Variants in PALM2AKAP2 observed in about 807,000 individuals in gnomAD.
PALM2AKAP2 encodes the protein PALM2-AKAP2 fusion protein.
PALM2AKAP2 carries 37 observed loss-of-function variants against 71.5 expected under a neutral mutation model. The observed-to-expected ratio is 0.52, with a 90% CI of 0.40 to 0.68. PALM2AKAP2 has a LOEUF of 0.68. PALM2AKAP2 is among the 30% of genes least tolerant of loss of function. The probability of loss-of-function intolerance (pLI) is 0.00; values close to 1 mark genes in which losing one functional copy is unlikely to be tolerated. For synonymous variants in PALM2AKAP2, 468 were observed against 478.8 expected, an observed-to-expected ratio of 0.98 and a Z score of 0.29; for missense variants, 1,224 against 1,191.8, an observed-to-expected ratio of 1.03 and a Z score of -0.40.
At chr9:109,942,788 G>A (rs1363391481) in intron 6 of PALM2AKAP2, 5 of 1,614,036 alleles carry the variant, frequency 3.1e-6, no homozygotes, top group Non-Finnish European at 4.2e-6. Flanking sequence ...CATCAGAAAG[G>A]AGTCAAAGTC....
intron 2 of PALM2AKAP2, among the ~76,000 whole-genome samples, chr9:110,148,300 G>A (rs1457978460): frequency 1.3e-5 from 2 of 152,064 alleles, no homozygotes; most frequent in African/African-American, 2.4e-5. Context: ...CCCAATATCA[G>A]CAACTCATCC....
At chr9:110,119,528 T>C (rs924795379) in intron 1 of PALM2AKAP2, among the ~76,000 whole-genome samples, 8 of 152,116 alleles carry the variant, frequency 5.3e-5, no homozygotes, top group African/African-American at 1.9e-4. Flanking sequence ...TCAAAAGCAT[T>C]GTGTATTTTA....
At chr9:109,918,884 C>A (rs557378420) in intron 3 of PALM2AKAP2, among the ~76,000 whole-genome samples, 5 of 152,184 alleles carry the variant, frequency 3.3e-5, no homozygotes, top group Admixed American at 6.5e-5. Context: ...GGTTTCATTT[C>A]GTTCCTTTTT....
At chr9:110,083,740 C>T (rs1228317073) in intron 1 of PALM2AKAP2, among the ~76,000 whole-genome samples, 1 of 152,168 alleles carries the variant, frequency 6.6e-6, no homozygotes, top group East Asian at 1.9e-4. Context: ...CTTCTTAACA[C>T]CAACACTGGC....
intron 1 of PALM2AKAP2, among the ~76,000 whole-genome samples, chr9:109,730,178 CA>C (rs1451066092): frequency 6.6e-6 from 1 of 152,096 alleles, no homozygotes; most frequent in Non-Finnish European, 1.5e-5. Context: ...ACAGAATGCA[CA>C]AGGGAATGGA....
At chr9:110,110,472 C>T (rs1271358400) in intron 1 of PALM2AKAP2, among the ~76,000 whole-genome samples, 1 of 150,352 alleles carries the variant, frequency 6.7e-6, no homozygotes, top group Non-Finnish European at 1.5e-5. Context: ...TCCTAACTTT[C>T]TTTACCCCTG....
At chr9:109,801,708 ATG>A (rs142422555) in intron 1 of PALM2AKAP2, among the ~76,000 whole-genome samples, 70 of 148,886 alleles carry the variant, frequency 4.7e-4, no homozygotes, top group Non-Finnish European at 6.9e-4. Flanking sequence ...AGGTGTTGAT[ATG>A]TGTGTGTGTG....
rs1311022203 is a variant in PALM2AKAP2, at chr9:109,658,081, C to G, written c.5+17215C>G. 2.0e-5 allele frequency among the ~76,000 whole-genome samples: 3 copies of G among 151,946 alleles called. No homozygotes were observed. In the South Asian group the frequency reaches 6.2e-4, roughly 32 times the overall value. The stretch of plus-strand genomic sequence containing the variant: ...ATGTGCAATTTGCTCAAATAGGGAA[C>G]CCTTGTTTGGGGGTGGGAAAGTAAG... On this transcript the variant is annotated intron_variant, in intron 1 of 6. Coordinates refer to the PALM2AKAP2 transcript ENST00000374531.
intron 6 of PALM2AKAP2, among the ~76,000 whole-genome samples, chr9:109,998,784 G>GAAAAAAA (rs1564252217): frequency 1.5e-5 from 2 of 130,176 alleles, no homozygotes; most frequent in African/African-American, 5.9e-5. Flanking sequence ...AAAAAAAAAG[G>GAAAAAAA]GGGGATAGTC....
chr9:109,662,249 T>G (rs2132243546), intron 1 of PALM2AKAP2, among the ~76,000 whole-genome samples: 1 of 152,322 alleles, frequency 6.6e-6, no homozygotes. Flanking sequence ...TGTGCCAGTT[T>G]TCAAAGGGAA....
intron 1 of PALM2AKAP2, among the ~76,000 whole-genome samples, chr9:110,128,349 C>T (rs570833489): frequency 2.0e-5 from 3 of 152,172 alleles, no homozygotes; most frequent in East Asian, 1.9e-4. Flanking sequence ...TTGCGTCCTG[C>T]GCACTGAAAA....
At chr9:110,071,067 G>A (rs2118594703) in intron 1 of PALM2AKAP2, among the ~76,000 whole-genome samples, 1 of 150,866 alleles carries the variant, frequency 6.6e-6, no homozygotes, top group South Asian at 2.1e-4. Flanking sequence ...GGGAGGCTGA[G>A]GCAGGAGAAT....
chr9:110,125,096 C>G (rs1010639977), intron 1 of PALM2AKAP2, among the ~76,000 whole-genome samples: 1 of 152,196 alleles, frequency 6.6e-6, no homozygotes, highest in Non-Finnish European at 1.5e-5. Context: ...CATGTACACA[C>G]GCACAAGCAC....
chr9:109,925,118 T>G (rs918729867), intron 5 of PALM2AKAP2, 36 bp downstream of exon 5: 1 of 1,613,882 alleles, frequency 6.2e-7, no homozygotes, highest in Non-Finnish European at 8.5e-7. Flanking sequence ...GATGAATGTT[T>G]TAATCCTGGT....
At chr9:109,995,085 G>T (rs1832549379) in intron 6 of PALM2AKAP2, among the ~76,000 whole-genome samples, 2 of 152,136 alleles carry the variant, frequency 1.3e-5, no homozygotes, top group African/African-American at 4.8e-5. Flanking sequence ...TCTTTTATAG[G>T]CTTCTACATG....
At chr9:109,731,819 A>G (rs1828559981) in intron 1 of PALM2AKAP2, among the ~76,000 whole-genome samples, 1 of 152,190 alleles carries the variant, frequency 6.6e-6, no homozygotes, top group East Asian at 1.9e-4. Context: ...GTGCAGGTTA[A>G]TATTCATATG....
rs569344419 is a variant in PALM2AKAP2 at position 109,890,337 on chromosome 9, GGC to G, written c.257+9657_257+9658del. 1.2e-4 allele frequency among the ~76,000 whole-genome samples: 18 copies of G among 152,252 alleles called. No individual in the cohort carries two copies. The South Asian group carries it at 3.7e-3, about 32-fold the overall frequency. On this transcript the variant is annotated intron_variant, in intron 3 of 9. Coordinates refer to the PALM2AKAP2 transcript ENST00000302798. The stretch of plus-strand genomic sequence containing the variant: ...CAGGGAAGAGTACTGTGGGACCCGA[GGC>G]TGCTTGATACTCATCAAGGCCCGCT...
intron 1 of PALM2AKAP2, among the ~76,000 whole-genome samples, chr9:109,785,596 T>A (rs1302088310): frequency 2.0e-5 from 3 of 152,138 alleles, no homozygotes; most frequent in African/African-American, 2.4e-5. Context: ...GAAAGGCACA[T>A]CTCACATGGC....
intron 1 of PALM2AKAP2, among the ~76,000 whole-genome samples, chr9:110,111,645 T>G (rs766283239): frequency 5.3e-5 from 8 of 152,248 alleles, no homozygotes; most frequent in Non-Finnish European, 1.2e-4. Flanking sequence ...GCACCAATTC[T>G]GAGGTTTTGC....
Sources: gnomAD v4.1 joint callset for allele counts (sites outside exome capture counted in the v4.1 genomes callset) on GRCh38, gnomAD v4.1.1 for gene constraint, MANE v1.5 for transcripts, NCBI Gene and HGNC (gene_info 2026-07-23, HGNC 2026-07-21) for gene names.